Variants in RPS6KC1 observed in about 807,000 individuals in gnomAD.
The protein encoded by RPS6KC1 is inactive ribosomal protein S6 kinase delta-1.
A neutral mutation model predicts 103.8 loss-of-function variants in RPS6KC1; 54 were observed. The observed-to-expected ratio is 0.52, with a 90% confidence interval of 0.42 to 0.65. RPS6KC1 has a LOEUF of 0.65. Among genes scored for constraint, RPS6KC1 ranks in the 30% least tolerant of loss-of-function variants. RPS6KC1 has a pLI of 0.00. For synonymous variants in RPS6KC1, 439 were observed against 438.7 expected (o/e 1.00, Z -0.01); for missense variants, 1,151 against 1,253.8 (o/e 0.92, Z 1.24).
At chr1:213,730,098 T>C in the RPS6KC1 span, among the ~76,000 whole-genome samples, 3 of 152,184 alleles carry the variant, frequency 2.0e-5, no homozygotes, top group Admixed American at 6.5e-5. Flanking sequence ...GTAAAGAACA[T>C]GATCTTATTC....
At chr1:213,309,304 AAAAC>A in the RPS6KC1 span, among the ~76,000 whole-genome samples, 37 of 152,276 alleles carry the variant, frequency 2.4e-4, 1 homozygote, top group African/African-American at 4.1e-4. Context: ...CAAACAAACA[AAAAC>A]AAACAAACAA....
the RPS6KC1 span, among the ~76,000 whole-genome samples, chr1:213,491,441 T>C: frequency 6.6e-6 from 1 of 152,000 alleles, no homozygotes; most frequent in Non-Finnish European, 1.5e-5. Context: ...CCAGCTACTA[T>C]GGAGGGTGAG....
At chr1:213,214,530 G>C (rs1487661540) in intron 8 of RPS6KC1, among the ~76,000 whole-genome samples, 2 of 152,174 alleles carry the variant, frequency 1.3e-5, no homozygotes, top group East Asian at 3.9e-4. Context: ...AGAGAGTAGT[G>C]GTTCTCCCAG....
intron 4 of RPS6KC1, among the ~76,000 whole-genome samples, chr1:213,106,028 A>T (rs765047386): frequency 1.3e-5 from 2 of 152,194 alleles, no homozygotes; most frequent in Admixed American, 6.5e-5. Context: ...TGGATATGGG[A>T]ATTCCTGATT....
At chr1:213,173,439 C>T (rs536497357) in intron 7 of RPS6KC1, among the ~76,000 whole-genome samples, 22 of 152,288 alleles carry the variant, frequency 1.4e-4, no homozygotes, top group Non-Finnish European at 2.4e-4. Flanking sequence ...GTCTAGACTT[C>T]GGAGACTGTA....
the RPS6KC1 span, among the ~76,000 whole-genome samples, chr1:213,370,200 T>G: frequency 1.3e-5 from 2 of 152,162 alleles, no homozygotes; most frequent in African/African-American, 4.8e-5. Context: ...GGCTCTTGCT[T>G]GTACTAAGAC....
the RPS6KC1 span, among the ~76,000 whole-genome samples, chr1:213,517,451 A>G: frequency 0.011 from 1,732 of 152,306 alleles, 32 homozygotes; most frequent in African/African-American, 0.039. Flanking sequence ...TTGGTTTCAA[A>G]GAACATCTTT....
the RPS6KC1 span, among the ~76,000 whole-genome samples, chr1:213,447,072 T>C: frequency 6.6e-6 from 1 of 151,420 alleles, no homozygotes; most frequent in South Asian, 2.1e-4. Flanking sequence ...ATGATGCCAG[T>C]ATTTTTTTTT....
chr1:213,420,703 T>C, the RPS6KC1 span, among the ~76,000 whole-genome samples: 10 of 152,144 alleles, frequency 6.6e-5, no homozygotes, highest in African/African-American at 1.9e-4. Flanking sequence ...TCCCCCTCAA[T>C]TTCCCTTGGT....
the RPS6KC1 span, among the ~76,000 whole-genome samples, chr1:213,628,775 A>T: frequency 6.6e-6 from 1 of 151,584 alleles, no homozygotes; most frequent in African/African-American, 2.4e-5. Flanking sequence ...AGATTCTGGT[A>T]TGTTGTGTGT....
the RPS6KC1 span, among the ~76,000 whole-genome samples, chr1:213,728,937 G>GATTTTTTTTTTTTTTTTTTTTTTT: frequency 1.1e-5 from 1 of 93,416 alleles, no homozygotes. Flanking sequence ...GAACATGAGG[G>GATTTTTTTTTTTTTTTTTTTTTTT]TTTTTTTTTT....
At chr1:213,167,491 A>ACACACAC (rs1558462702) in intron 6 of RPS6KC1, among the ~76,000 whole-genome samples, 11 of 70,612 alleles carry the variant, frequency 1.6e-4, no homozygotes, top group Non-Finnish European at 2.5e-4. Context: ...CACACACACA[A>ACACACAC]CAGCTGTTGC....
chr1:213,693,097 C>G, the RPS6KC1 span, among the ~76,000 whole-genome samples: 24 of 152,206 alleles, frequency 1.6e-4, no homozygotes, highest in Non-Finnish European at 2.8e-4. Context: ...CAAGCCTAGA[C>G]TATATCTGCT....
the RPS6KC1 span, among the ~76,000 whole-genome samples, chr1:213,564,757 C>G: frequency 6.6e-6 from 1 of 152,188 alleles, no homozygotes; most frequent in Non-Finnish European, 1.5e-5. Context: ...TAATTTGTTT[C>G]TGTGGTTCCT....
chr1:213,577,359 C>A, the RPS6KC1 span, among the ~76,000 whole-genome samples: 1 of 152,218 alleles, frequency 6.6e-6, no homozygotes, highest in Admixed American at 6.5e-5. Context: ...ATTACCCAGT[C>A]TCAAGTATTT....
At chr1:213,743,749 T>C in the RPS6KC1 span, among the ~76,000 whole-genome samples, 1 of 152,178 alleles carries the variant, frequency 6.6e-6, no homozygotes, top group Admixed American at 6.5e-5. Flanking sequence ...GGAGAGGTGC[T>C]GATGATTATC....
At chr1:213,437,764 A>G in the RPS6KC1 span, among the ~76,000 whole-genome samples, 2 of 150,386 alleles carry the variant, frequency 1.3e-5, no homozygotes, top group African/African-American at 4.9e-5. Context: ...TTTTTTGTTT[A>G]TAATTCGCTG....
At chr1:213,382,389 G>A in the RPS6KC1 span, among the ~76,000 whole-genome samples, 3 of 152,162 alleles carry the variant, frequency 2.0e-5, no homozygotes, top group Non-Finnish European at 4.4e-5. Context: ...CTTTGGGGAA[G>A]GTGTCTGTAT....
At chr1:213,460,457 C>T in the RPS6KC1 span, among the ~76,000 whole-genome samples, 1 of 149,170 alleles carries the variant, frequency 6.7e-6, no homozygotes, top group African/African-American at 2.5e-5. Context: ...TTCTTCCATC[C>T]CTTTATTTTG....
Sources: allele counts gnomAD v4.1 joint callset (sites outside exome capture counted in the v4.1 genomes callset), GRCh38; gene constraint gnomAD v4.1.1; transcripts MANE v1.5; gene names NCBI Gene and HGNC (gene_info 2026-07-23, HGNC 2026-07-21).